CDHR4: variants seen among roughly 807,000 people sequenced by gnomAD.
CDHR4 encodes cadherin related family member 4, also known as cadherin-related family member 4.
A neutral mutation model predicts 88.4 loss-of-function variants in CDHR4; 89 were observed. The ratio of observed to expected loss-of-function variants is 1.01; its 90% confidence interval spans 0.85 to 1.20. CDHR4 has a LOEUF of 1.20. Ranked by LOEUF, CDHR4 falls within the 50% of genes most tolerant of loss-of-function variation. The pLI, the probability that CDHR4 is intolerant of heterozygous loss-of-function variation, is 0.00. For missense variants in CDHR4, 914 were observed against 1,007.2 expected (o/e 0.91, Z 1.25); for synonymous variants, 368 against 399.2 (o/e 0.92, Z 0.93).
Position 49,793,209 on chromosome 3 carries a change from T to C in CDHR4, c.1726A>G (p.Ile576Val). 1.3e-6 allele frequency: 2 copies of C among 1,551,650 alleles called. No homozygotes were observed. Among genetic ancestry groups the C allele is most frequent in the Non-Finnish European group, 1.7e-6 (2 of 1,146,984 alleles). The part of the protein sequence containing the change: ...SVEVTKMSCQ[I>V]PQEPQRLIYS... ...ATCAGGCGCTGTGGCTCCTGAGGGA[T>C]CTGGCATGACATCTTGGTCACCTCC... Residue 576 changes from isoleucine (I) to valine (V), a missense_variant, in exon 13 of 19, where the codon ATC (isoleucine) becomes GTC (valine). Coordinates refer to ENST00000412678, the MANE Select transcript of CDHR4 (RefSeq NM_001007540.4).
Position 49,795,606 on chromosome 3 carries a change from C to T in CDHR4, c.847+22G>A. ...CCACAGAGGCATCCCAGTACCTGCCCCCACCCCCCAACACCTCTCACCACG... is the reference window on the plus strand; with the variant it reads ...CCACAGAGGCATCCCAGTACCTGCCTCCACCCCCCAACACCTCTCACCACG... On this transcript the variant is annotated intron_variant, in intron 7 of 18. Transcript: ENST00000412678. The surrounding 1 kb of genome is among the most constrained non-coding windows in gnomAD (Gnocchi z 5.4). The T allele has an allele frequency of 6.4e-7, 1 of 1,551,410 alleles. No individual in the cohort carries two copies. The highest frequency in any genetic ancestry group is 8.7e-7 in the Non-Finnish European group (1 of 1,146,886).
Position 49,799,053 on chromosome 3 carries a change from G to C in CDHR4, c.344C>G (p.Ser115Cys). 1 of 1,594,386 alleles carries C rather than the reference G, an allele frequency of 6.3e-7. No individual in the cohort carries two copies. The change falls in exon 3 of 19, where the codon TCT becomes TGT. Residue 115 changes from serine (S) to cysteine (C), a missense_variant. Coordinates refer to ENST00000412678, the MANE Select transcript of CDHR4 (RefSeq NM_001007540.4). ...CGNHVMEGSL[S>C]VDVQRDLSHI... ...GCTAAGGTCCCGCTGCACATCCACA[G>C]AGAGTGAGCCCTCCATCACATGGTT...
chr3:49,802,298 G>C (rs1225061380), upstream of CDHR4, among the ~76,000 whole-genome samples: 2 of 152,140 alleles, frequency 1.3e-5, no homozygotes, highest in East Asian at 3.9e-4. Context: ...CTCAGCCTCA[G>C]GAGTAGCTGG....
At chr3:49,800,175 AC>A (rs2081341658), upstream of CDHR4, among the ~76,000 whole-genome samples, 2 of 152,104 alleles carry the variant, frequency 1.3e-5, no homozygotes, top group African/African-American at 2.4e-5. Context: ...CTCCAGCTGG[AC>A]CCCCTCCATT....
chr3:49,793,472 G>T, intron 12 of CDHR4, 111 bp downstream of exon 12: 1 of 1,475,728 alleles, frequency 6.8e-7, no homozygotes, highest in Non-Finnish European at 9.1e-7. Flanking sequence ...CTCTTCTCCA[G>T]CCAACTCGTG....
intron 4 of CDHR4, chr3:49,798,413 T>G (rs1381221812): frequency 1.1e-5 from 2 of 189,264 alleles, no homozygotes; most frequent in Admixed American, 5.6e-5. Flanking sequence ...GGTGAAACCC[T>G]GTCTCCACTA....
Position 49,794,646 on chromosome 3 carries a change from G to A in CDHR4, c.1241C>T (p.Ser414Phe), listed in dbSNP as rs756974794. 9.0e-6 allele frequency: 14 copies of A among 1,551,314 alleles called. No homozygotes were observed. Among genetic ancestry groups the A allele is most frequent in the South Asian group, 2.4e-5 (2 of 84,010 alleles). Residue 414 changes from serine to phenylalanine, a missense_variant, in exon 10 of 19, where the codon TCC becomes TTC. Transcript: ENST00000412678. ...TPGACFQHAASILVLDGGQPQ... is the reference protein window; with the variant it reads ...TPGACFQHAAFILVLDGGQPQ... The stretch of plus-strand genomic sequence containing the variant: ...CTGGCCACCATCGAGCACCAGGATG[G>A]AGGCTGCATGCTGGAAGCAGGCTCC...
chr3:49,793,682 C>G lies in CDHR4; in HGVS notation c.1524G>C (p.Gln508His). The change falls in exon 12 of 19, where the codon CAG (glutamine) becomes CAC (histidine). Residue 508 changes from glutamine to histidine, a missense_variant. Coordinates refer to ENST00000412678, the MANE Select transcript of CDHR4 (RefSeq NM_001007540.4). ...HLLGPLDYEQ[Q>H]RLYRLTVLVI... The stretch of plus-strand genomic sequence containing the variant: ...CAAGGACAGTGAGCCTGTACAGCCT[C>G]TGCTGCTCATAGTCCAAAGGTCCCA... 6.4e-7 allele frequency: 1 copy of G among 1,551,780 alleles called. No homozygotes were observed. Among genetic ancestry groups the G allele is most frequent in the South Asian group, 1.2e-5 (1 of 84,062 alleles).
At position 49,795,895 on chromosome 3, in the gene CDHR4, G is replaced by A; in HGVS notation, c.710+48C>T. On this transcript the variant is annotated intron_variant, in intron 6 of 18. Transcript: ENST00000412678. The surrounding 1 kb of genome is among the most constrained non-coding windows in gnomAD (Gnocchi z 5.4). ...GCAGCCTCACCCTACCTGATTCCCT[G>A]GGGCTAGGCCCTTCCTCCCTCACTG... is the stretch of plus-strand genomic sequence containing the variant. The A allele has an allele frequency of 6.6e-7, 1 of 1,514,930 alleles. No homozygotes were observed. Among genetic ancestry groups the A allele is most frequent in the Non-Finnish European group, 8.9e-7 (1 of 1,126,884 alleles). 93.8% of individuals were successfully genotyped at this position (1,514,930 alleles called of 1,614,324 possible). A position where few individuals can be genotyped will look rare whatever the true frequency, so the allele number is the denominator to read the frequency against.
chr3:49,798,613 GC>G, intron 4 of CDHR4: 1 of 511,220 alleles, frequency 2.0e-6, no homozygotes, highest in South Asian at 2.8e-5. Flanking sequence ...AAAGAACTCA[GC>G]CCCTGAGATG....
At chr3:49,797,431 AC>A (rs1198565982) in intron 4 of CDHR4, among the ~76,000 whole-genome samples, 1 of 150,590 alleles carries the variant, frequency 6.6e-6, no homozygotes, top group Non-Finnish European at 1.5e-5. Context: ...TGCCTGTGCC[AC>A]CACACCCGGC....
At chr3:49,800,759 G>GT (rs2081349339), upstream of CDHR4, among the ~76,000 whole-genome samples, 4 of 150,826 alleles carry the variant, frequency 2.7e-5, no homozygotes, top group Admixed American at 2.0e-4. Context: ...TTATATGTCA[G>GT]TTTTTTTAAG....
chr3:49,801,148 T>G (rs774363425), upstream of CDHR4, among the ~76,000 whole-genome samples: 11 of 152,204 alleles, frequency 7.2e-5, no homozygotes, highest in Non-Finnish European at 1.5e-4. Context: ...TGTCCCTCTC[T>G]ACACAAAACT....
Position 49,794,697 on chromosome 3 carries a change from T to C in CDHR4, c.1190A>G (p.Asn397Ser). 1.3e-6 allele frequency: 2 copies of C among 1,550,814 alleles called. No homozygotes were observed. The highest frequency in any genetic ancestry group is 1.7e-6 in the Non-Finnish European group (2 of 1,146,494). ...AGGAGTGTCACAGTCCAGTGTGGCA[T>C]TCACCTAGCCAAAGGGGCTAGAAAG... ...LCLYDRVLEVNATLDCDTPGA... is the reference protein window; with the variant it reads ...LCLYDRVLEVSATLDCDTPGA... The change falls in exon 10 of 19, where the codon AAT becomes AGT. Residue 397 changes from asparagine (N) to serine (S), a missense_variant. Transcript: ENST00000412678.
In CDHR4 at chr3:49,795,285, G is replaced by GCCCT; in HGVS notation, c.938_941dup (p.Gln315GlyfsTer78). ...TGAGCTTGGCACTGGCCCACAGCTG[G>GCCCT]CCCTGCTCAAAGGCCTTCACCTGCA... On this transcript the variant is annotated frameshift_variant, in exon 8 of 19. Coordinates refer to ENST00000412678, the MANE Select transcript of CDHR4 (RefSeq NM_001007540.4). LOFTEE classifies it high-confidence loss of function. The surrounding 1 kb of genome is among the most constrained non-coding windows in gnomAD (Gnocchi z 5.4). 1 of 1,551,650 alleles carries GCCCT rather than the reference G, an allele frequency of 6.4e-7. No homozygotes were observed. The highest frequency in any genetic ancestry group is 1.2e-5 in the South Asian group (1 of 84,068).
In CDHR4 at chr3:49,793,804, G is replaced by T. The variant is rs61730923; in HGVS notation, c.1482C>A (p.Ser494Arg). Residue 494 changes from serine to arginine, a missense_variant and splice_region_variant, in exon 11 of 19, where the codon AGC (serine) becomes AGA (arginine). By Grantham distance (110) the Ser-to-Arg change is moderately radical (BLOSUM62 -1). Coordinates refer to ENST00000412678, the MANE Select transcript of CDHR4 (RefSeq NM_001007540.4). ...GPTTFAVDRL[S>R]GEVHLLGPLD... ...ATCCCAGCCCTGGGGTGGATGTACC[G>T]CTGAGACGGTCCACAGCAAAGGTGG... 1.3e-6 allele frequency: 2 copies of T among 1,551,754 alleles called. No homozygotes were observed. Among genetic ancestry groups the T allele is most frequent in the Non-Finnish European group, 1.7e-6 (2 of 1,146,986 alleles).
At chr3:49,799,223 C>A in intron 2 of CDHR4, 24 bp downstream of exon 2, 15 of 1,611,792 alleles carry the variant, frequency 9.3e-6, no homozygotes, top group Non-Finnish European at 1.2e-5. Flanking sequence ...CCCCCACAGT[C>A]CCCAGCTGTA....
At position 49,797,046 on chromosome 3, in the gene CDHR4, G is replaced by A. The variant is rs1486264847; in HGVS notation, c.496-14C>T. On this transcript the variant is annotated splice_polypyrimidine_tract_variant and intron_variant, in intron 4 of 18. Coordinates refer to ENST00000412678, the MANE Select transcript of CDHR4 (RefSeq NM_001007540.4). ...GATAATGCTCATCTGACAGAACAGAGATGCTGGCAACCACATTCAGCCCCC... is the reference window on the plus strand; with the variant it reads ...GATAATGCTCATCTGACAGAACAGAAATGCTGGCAACCACATTCAGCCCCC... The A allele has an allele frequency of 6.5e-7, 1 of 1,549,174 alleles. No homozygotes were observed. The highest frequency in any genetic ancestry group is 8.7e-7 in the Non-Finnish European group (1 of 1,144,938).
chr3:49,798,587 CAAAAAAAAAA>C (rs1204316024), intron 4 of CDHR4: 2 of 402,172 alleles, frequency 5.0e-6, no homozygotes, highest in East Asian at 7.9e-5. Context: ...GACTCCGTCT[CAAAAAAAAAA>C]AAAAAAAAGA....
Sources: gnomAD v4.1 joint callset for allele counts (sites outside exome capture counted in the v4.1 genomes callset) on GRCh38, gnomAD v4.1.1 for gene constraint, Gnocchi (gnomAD v3.1) non-coding constraint, MANE v1.5 for transcripts, NCBI Gene and HGNC (gene_info 2026-07-23, HGNC 2026-07-21) for gene names.